TACC2: variants seen among roughly 807,000 people sequenced by gnomAD.
The protein encoded by TACC2 is transforming acidic coiled-coil containing protein 2, also known as transforming acidic coiled-coil-containing protein 2.
TACC2 carries 137 observed loss-of-function variants against 227.3 expected under a neutral mutation model. That is an observed-to-expected ratio of 0.60 (90% CI 0.52 to 0.69). The LOEUF (loss-of-function observed/expected upper bound fraction) is 0.69, where lower values mean the gene tolerates loss of function less well. TACC2 is among the 30% of genes least tolerant of loss of function. The pLI is 0.00. For missense variants in TACC2, 3,470 were observed against 3,694.4 expected, an observed-to-expected ratio of 0.94 and a Z score of 1.57; for synonymous variants, 1,523 against 1,487.5, an observed-to-expected ratio of 1.02 and a Z score of -0.55.
chr10:122,013,165 T>C (rs1956159077), intron 1 of TACC2, among the ~76,000 whole-genome samples: 1 of 152,116 alleles, frequency 6.6e-6, no homozygotes, highest in African/African-American at 2.4e-5. Context: ...TCTCTGAGGT[T>C]TTCCCAGCCC....
intron 6 of TACC2, 57 bp downstream of exon 6, chr10:122,132,791 G>A (rs1288239638): frequency 5.7e-6 from 9 of 1,584,652 alleles, no homozygotes; most frequent in Admixed American, 1.7e-5. Context: ...CCTTGAGGCT[G>A]CCTTCCCCCG....
rs867678850 is a variant in TACC2 at position 122,203,340 on chromosome 10, G to A, written c.5972-7057G>A. ...CGGGCAGAGGCGCCCCTCACTTCCCGGATGGGGCGGCTGGCCGGGCAGGGG... is the reference window on the plus strand; with the variant it reads ...CGGGCAGAGGCGCCCCTCACTTCCCAGATGGGGCGGCTGGCCGGGCAGGGG... On this transcript the variant is annotated intron_variant, in intron 8 of 22. Transcript: ENST00000369005. Among the ~76,000 whole-genome samples the A allele has an allele frequency of 3.2e-3, 436 of 134,222 alleles. 7 individuals are homozygous for A. The highest frequency in any genetic ancestry group is 0.016 in the Middle Eastern group (4 of 250). 88.1% of individuals were successfully genotyped at this position (134,222 alleles called of 152,430 possible).
At chr10:122,232,038 G>A (rs2095761877) in intron 16 of TACC2, among the ~76,000 whole-genome samples, 1 of 152,208 alleles carries the variant, frequency 6.6e-6, no homozygotes, top group Non-Finnish European at 1.5e-5. Flanking sequence ...GAGACAGTGG[G>A]TGCTTACACT....
At chr10:122,112,901 G>A (rs998485690) in intron 5 of TACC2, 3 of 152,048 alleles carry the variant, frequency 2.0e-5, no homozygotes, top group East Asian at 1.9e-4. Flanking sequence ...GGCCGGGGAG[G>A]AGAGCGCGGC....
At chr10:122,236,321 C>G (rs2095856003) in intron 16 of TACC2, among the ~76,000 whole-genome samples, 2 of 152,166 alleles carry the variant, frequency 1.3e-5, no homozygotes. Context: ...TCAATTTCTT[C>G]TCATAATTTC....
At chr10:122,053,176 T>G (rs1280024106) in intron 3 of TACC2, among the ~76,000 whole-genome samples, 2 of 152,110 alleles carry the variant, frequency 1.3e-5, no homozygotes, top group Non-Finnish European at 2.9e-5. Flanking sequence ...AATGAAGAAC[T>G]TACAGTTCCA....
intron 7 of TACC2, among the ~76,000 whole-genome samples, chr10:122,188,460 CTT>C: frequency 6.6e-6 from 1 of 150,872 alleles, no homozygotes; most frequent in Middle Eastern, 3.4e-3. Context: ...TTGTATTTTT[CTT>C]TTTTTTTAGT....
In TACC2 at chr10:122,141,793, A is replaced by G. The variant is rs903146069; in HGVS notation, c.5700-1779A>G. Among the ~76,000 whole-genome samples, 1 of 152,142 alleles carries G rather than the reference A, an allele frequency of 6.6e-6. No homozygotes were observed. Among genetic ancestry groups the G allele is most frequent in the African/African-American group, 2.4e-5 (1 of 41,426 alleles). On this transcript the variant is annotated intron_variant, in intron 6 of 22. Coordinates refer to ENST00000369005, the MANE Select transcript of TACC2 (RefSeq NM_206862.4). This position sits in a 1 kb window ranked among gnomAD's most constrained non-coding sequence, Gnocchi z 4.3. Reference sequence around the variant, plus strand: ...ATACCACCTTTCCACAATTTGCATTAAACTAAGTAAAATCTTGGTGGGATG... The same window carrying G: ...ATACCACCTTTCCACAATTTGCATTGAACTAAGTAAAATCTTGGTGGGATG...
At chr10:122,033,237 T>A in intron 2 of TACC2, 1 of 926,704 alleles carries the variant, frequency 1.1e-6, no homozygotes, top group South Asian at 1.4e-5. Context: ...TGGTGTGTCA[T>A]GTGCATTTAT....
intron 5 of TACC2, among the ~76,000 whole-genome samples, chr10:122,110,099 C>T (rs77888664): frequency 0.031 from 4,691 of 152,272 alleles, 113 homozygotes; most frequent in Non-Finnish European, 0.047. Context: ...TTAGCAGCTA[C>T]TGTACTAGGG....
Position 122,086,461 on chromosome 10 carries a change from G to C in TACC2, c.3961G>C (p.Gly1321Arg), listed in dbSNP as rs143678523. Residue 1321 changes from glycine (G) to arginine (R), a missense_variant, in exon 4 of 23, where the codon GGA becomes CGA. Physicochemically the swap from Gly to Arg is moderately radical, Grantham distance 125. Transcript: ENST00000369005. ...TAGTCCCAAAGCCAGAACCACTGAG[G>C]GACCAGTGGACTCCATGCCATGCCT... The part of the protein sequence containing the change: ...SGSPKARTTE[G>R]PVDSMPCLDR... 565 of 1,613,848 alleles carry C rather than the reference G, an allele frequency of 3.5e-4. 3 individuals carry two copies. The African/African-American group carries it at 6.8e-3, about 19-fold the overall frequency.
At chr10:122,034,608 A>G (rs1024064685) in intron 2 of TACC2, among the ~76,000 whole-genome samples, 1 of 152,114 alleles carries the variant, frequency 6.6e-6, no homozygotes, top group Non-Finnish European at 1.5e-5. Flanking sequence ...TACCCTATAC[A>G]GCCTTATACT....
intron 8 of TACC2, among the ~76,000 whole-genome samples, chr10:122,198,176 T>C (rs1184631131): frequency 2.0e-5 from 3 of 152,186 alleles, no homozygotes; most frequent in Non-Finnish European, 2.9e-5. Flanking sequence ...CTCCCTGGGA[T>C]GGAAGATGTG....
At chr10:122,127,744 C>G (rs10887089) in intron 5 of TACC2, among the ~76,000 whole-genome samples, 92,797 of 152,062 alleles carry the variant, frequency 0.61, 32,748 homozygotes, top group Non-Finnish European at 0.77. Flanking sequence ...GAAATTAGCT[C>G]TCTCCCATCC....
intron 7 of TACC2, among the ~76,000 whole-genome samples, chr10:122,177,231 G>A (rs565538918): frequency 2.0e-5 from 3 of 152,168 alleles, no homozygotes; most frequent in South Asian, 2.1e-4. Flanking sequence ...GTATTGTCCC[G>A]AGCCCCAACA....
chr10:122,111,988 C>T (rs1034043852), intron 5 of TACC2, among the ~76,000 whole-genome samples: 6 of 152,106 alleles, frequency 3.9e-5, no homozygotes, highest in African/African-American at 9.7e-5. Flanking sequence ...ATTTAAAAAA[C>T]AATATTTTCG....
intron 1 of TACC2, among the ~76,000 whole-genome samples, chr10:122,013,235 A>G (rs1237435399): frequency 1.3e-5 from 2 of 152,114 alleles, no homozygotes; most frequent in Non-Finnish European, 2.9e-5. Flanking sequence ...TCCAAGGTGG[A>G]GGAAAGGAAG....
At chr10:122,103,885 G>T (rs2082447737) in intron 5 of TACC2, among the ~76,000 whole-genome samples, 1 of 152,192 alleles carries the variant, frequency 6.6e-6, no homozygotes, top group African/African-American at 2.4e-5. Flanking sequence ...ACTGCAGGAA[G>T]GCTTGGTTTC....
chr10:122,006,604 G>T (rs193033546), intron 1 of TACC2, among the ~76,000 whole-genome samples: 1 of 152,032 alleles, frequency 6.6e-6, no homozygotes, highest in Non-Finnish European at 1.5e-5. Context: ...GGGATTGATT[G>T]TTTTGGGTTA....
Sources: gnomAD v4.1 joint callset for allele counts (sites outside exome capture counted in the v4.1 genomes callset) on GRCh38, gnomAD v4.1.1 for gene constraint, Gnocchi (gnomAD v3.1) non-coding constraint, MANE v1.5 for transcripts, NCBI Gene and HGNC (gene_info 2026-07-23, HGNC 2026-07-21) for gene names.